Variants in GRM7 observed in about 807,000 individuals in gnomAD.
GRM7 encodes the protein metabotropic glutamate receptor 7.
In GRM7, 35 loss-of-function variants were observed where a neutral mutation model predicts 84.5. That is an observed-to-expected ratio of 0.41 (90% CI 0.32 to 0.55). The LOEUF is 0.55. Among genes scored for constraint, GRM7 ranks in the 20% least tolerant of loss-of-function variants. The pLI is 0.19. For synonymous variants in GRM7, 487 were observed against 455.1 expected (o/e 1.07, Z -0.89); for missense variants, 1,003 against 1,194.6 (o/e 0.84, Z 2.36).
At chr3:7,111,953 G>T (rs1354310394) in intron 1 of GRM7, among the ~76,000 whole-genome samples, 2 of 152,066 alleles carry the variant, frequency 1.3e-5, no homozygotes, top group Admixed American at 6.6e-5. Flanking sequence ...TTAAGCCTGA[G>T]ATTGACTATC....
At chr3:6,943,691 G>A (rs572079583) in intron 1 of GRM7, among the ~76,000 whole-genome samples, 85 of 151,994 alleles carry the variant, frequency 5.6e-4, no homozygotes, top group Admixed American at 4.7e-3. Context: ...GTCCACATTC[G>A]TTTTAGACTT....
At chr3:7,185,046 A>G (rs999760382) in intron 2 of GRM7, among the ~76,000 whole-genome samples, 2 of 152,232 alleles carry the variant, frequency 1.3e-5, no homozygotes, top group African/African-American at 4.8e-5. Context: ...AGCATTTTAT[A>G]GGTAAGAAAA....
chr3:7,562,873 G>T (rs112368318), intron 7 of GRM7, among the ~76,000 whole-genome samples: 3 of 151,834 alleles, frequency 2.0e-5, no homozygotes, highest in African/African-American at 7.2e-5. Context: ...TTTCTCAAAA[G>T]ATTATGTTGC....
intron 4 of GRM7, among the ~76,000 whole-genome samples, chr3:7,370,106 C>G (rs570957347): frequency 1.5e-3 from 228 of 152,134 alleles, no homozygotes; most frequent in Admixed American, 2.8e-3. Context: ...CACTTGCTTT[C>G]CAGGGTTAAA....
At chr3:7,308,363 C>T (rs1700270706) in intron 4 of GRM7, among the ~76,000 whole-genome samples, 1 of 45,800 alleles carries the variant, frequency 2.2e-5, no homozygotes, top group East Asian at 6.7e-4. Flanking sequence ...CACACATCTC[C>T]TACTGTTGGA....
At chr3:7,417,343 A>G (rs1286089077) in intron 5 of GRM7, among the ~76,000 whole-genome samples, 1 of 151,996 alleles carries the variant, frequency 6.6e-6, no homozygotes, top group Non-Finnish European at 1.5e-5. Context: ...TTACTCTTCC[A>G]CCTATTGATA....
chr3:7,661,819 A>AAAAAAAAATAAAAAAAAAT (rs1699465227), intron 8 of GRM7, among the ~76,000 whole-genome samples: 1 of 145,290 alleles, frequency 6.9e-6, no homozygotes, highest in African/African-American at 2.5e-5. Context: ...AAAAAAAAAA[A>AAAAAAAAATAAAAAAAAAT]ATGTAAAATG....
intron 4 of GRM7, among the ~76,000 whole-genome samples, chr3:7,379,151 C>G (rs185051941): frequency 1.8e-4 from 27 of 152,256 alleles, no homozygotes; most frequent in Admixed American, 3.9e-4. Context: ...TGGCTCACTG[C>G]AACCTCTGCC....
chr3:7,029,611 C>G (rs374286432), intron 1 of GRM7, among the ~76,000 whole-genome samples: 2 of 152,124 alleles, frequency 1.3e-5, no homozygotes, highest in East Asian at 1.9e-4. Context: ...TATAAAAGGA[C>G]AAATATTGTA....
At chr3:7,037,675 G>A (rs1696433883) in intron 1 of GRM7, among the ~76,000 whole-genome samples, 1 of 152,154 alleles carries the variant, frequency 6.6e-6, no homozygotes, top group Admixed American at 6.5e-5. Flanking sequence ...AGCATGTGAT[G>A]GATTTGATAG....
At chr3:7,078,429 G>T (rs772098360) in intron 1 of GRM7, among the ~76,000 whole-genome samples, 7 of 152,170 alleles carry the variant, frequency 4.6e-5, no homozygotes, top group African/African-American at 9.6e-5. Context: ...GATGTTGTTA[G>T]TACATCAATG....
At chr3:7,343,326 T>C (rs888464030) in intron 4 of GRM7, among the ~76,000 whole-genome samples, 1 of 152,046 alleles carries the variant, frequency 6.6e-6, no homozygotes, top group African/African-American at 2.4e-5. Flanking sequence ...CTCGACCTCC[T>C]AGGCTTAAGC....
intron 7 of GRM7, among the ~76,000 whole-genome samples, chr3:7,544,145 G>A (rs769755290): frequency 6.6e-6 from 1 of 152,152 alleles, no homozygotes; most frequent in Non-Finnish European, 1.5e-5. Context: ...AAATCATGTG[G>A]AAAGAGCCCT....
At chr3:7,677,754 G>A (rs1034012891) in intron 8 of GRM7, among the ~76,000 whole-genome samples, 3 of 152,144 alleles carry the variant, frequency 2.0e-5, no homozygotes, top group Non-Finnish European at 2.9e-5. Context: ...GAAAAAGTAT[G>A]TATGTTACTG....
At chr3:6,902,850 T>TACACACACACACACACACAC (rs34849112) in intron 1 of GRM7, among the ~76,000 whole-genome samples, 5 of 134,432 alleles carry the variant, frequency 3.7e-5, no homozygotes, top group Non-Finnish European at 6.8e-5. Context: ...AACAGACTCC[T>TACACACACACACACACACAC]ACACACACAC....
chr3:7,067,806 A>G (rs1313855541), intron 1 of GRM7, among the ~76,000 whole-genome samples: 1 of 151,988 alleles, frequency 6.6e-6, no homozygotes, highest in Non-Finnish European at 1.5e-5. Context: ...AAAAAGTTGG[A>G]GAACAGCTAG....
intron 4 of GRM7, among the ~76,000 whole-genome samples, chr3:7,390,067 A>G (rs1694931867): frequency 6.6e-6 from 1 of 151,996 alleles, no homozygotes; most frequent in South Asian, 2.1e-4. Context: ...TAATTCCCCT[A>G]GTGATTGCTT....
chr3:7,547,790 G>T (rs1693239590), intron 7 of GRM7, among the ~76,000 whole-genome samples: 1 of 152,160 alleles, frequency 6.6e-6, no homozygotes, highest in Non-Finnish European at 1.5e-5. Context: ...CGAAAGCAAA[G>T]AAACAGATAA....
chr3:7,583,302 A>G (rs576308236), intron 8 of GRM7, among the ~76,000 whole-genome samples: 5 of 152,328 alleles, frequency 3.3e-5, no homozygotes, highest in African/African-American at 1.2e-4. Flanking sequence ...GATCTTCTGC[A>G]TGTAACAGAT....
Sources: allele counts gnomAD v4.1 joint callset (sites outside exome capture counted in the v4.1 genomes callset), GRCh38; gene constraint gnomAD v4.1.1; transcripts MANE v1.5; gene names NCBI Gene and HGNC (gene_info 2026-07-23, HGNC 2026-07-21).